Variants in PTCHD4 observed in about 807,000 individuals in gnomAD.
PTCHD4 encodes patched domain-containing protein 4.
PTCHD4 carries 33 observed loss-of-function variants against 58.1 expected under a neutral mutation model. The observed-to-expected ratio is 0.57, with a 90% CI of 0.43 to 0.76. The LOEUF (loss-of-function observed/expected upper bound fraction) is 0.76, where lower values mean the gene tolerates loss of function less well. PTCHD4 is among the 30% of genes least tolerant of loss of function. PTCHD4 has a pLI of 0.00. For missense variants in PTCHD4, 1,058 were observed against 1,027.1 expected, an observed-to-expected ratio of 1.03 and a Z score of -0.41; for synonymous variants, 478 against 409.6, an observed-to-expected ratio of 1.17 and a Z score of -2.02.
intron 1 of PTCHD4, among the ~76,000 whole-genome samples, chr6:48,074,252 T>C (rs1171923066): frequency 1.3e-5 from 2 of 152,160 alleles, no homozygotes. Flanking sequence ...AATAAGGACA[T>C]TTCTTATCTC....
chr6:47,880,029 TTATACTC>T (rs2114099243), intron 4 of PTCHD4, 93 bp from the exon 5 acceptor site: 2 of 992,024 alleles, frequency 2.0e-6, no homozygotes, highest in Non-Finnish European at 2.9e-6. Flanking sequence ...AAATGGCACT[TTATACTC>T]TAATCTTCAA....
At chr6:47,944,435 A>G (rs1193163274) in intron 4 of PTCHD4, among the ~76,000 whole-genome samples, 4 of 152,128 alleles carry the variant, frequency 2.6e-5, no homozygotes, top group African/African-American at 9.7e-5. Flanking sequence ...GCCCTTAAAG[A>G]ATAAGATACA....
Position 48,068,581 on chromosome 6 carries a change from T to A in PTCHD4, c.66A>T (p.Arg22Ser). 2 of 1,567,772 alleles carry A rather than the reference T, an allele frequency of 1.3e-6. No individual in the cohort carries two copies. Among genetic ancestry groups the A allele is most frequent in the Non-Finnish European group, 1.7e-6 (2 of 1,162,470 alleles). Residue 22 changes from arginine (R) to serine (S), a missense_variant, in exon 3 of 5, where the codon AGA becomes AGT. Physicochemically the swap from Arg to Ser is moderately radical, Grantham distance 110. Coordinates refer to ENST00000339488, the MANE Select transcript of PTCHD4 (RefSeq NM_001384253.1). The surrounding 1 kb of genome is among the most constrained non-coding windows in gnomAD (Gnocchi z 4.2). ...WWRMLRQVLR[R>S]GLQSFCHRLG... ...GCCTGTGGCAGAACGACTGGAGCCC[T>A]CTGCGAAGCACCTGCCGCAGCATCC...
chr6:48,023,306 C>G (rs572893010), intron 3 of PTCHD4, among the ~76,000 whole-genome samples: 2 of 152,076 alleles, frequency 1.3e-5, no homozygotes, highest in Non-Finnish European at 2.9e-5. Flanking sequence ...TAGTAAGTTA[C>G]AATGAGCAAA....
intron 1 of PTCHD4, among the ~76,000 whole-genome samples, chr6:48,082,622 T>C (rs887518176): frequency 6.6e-6 from 1 of 152,196 alleles, no homozygotes; most frequent in Non-Finnish European, 1.5e-5. Context: ...CCATTTTCTT[T>C]AGCTCTTTCT....
At chr6:47,911,646 A>G (rs1214556544) in intron 4 of PTCHD4, among the ~76,000 whole-genome samples, 4 of 152,144 alleles carry the variant, frequency 2.6e-5, no homozygotes, top group Non-Finnish European at 4.4e-5. Context: ...AGGAATAGTC[A>G]TGGAAAGGGC....
chr6:47,878,810 T>G lies in PTCHD4; in HGVS notation c.2025A>C (p.Leu675=). The change falls in exon 5 of 5, where the codon CTA becomes CTC. Residue 675 remains leucine, a synonymous_variant. Coordinates refer to ENST00000339488, the MANE Select transcript of PTCHD4 (RefSeq NM_001384253.1). Reference sequence around the variant, plus strand: ...AGAAGTTTCCCAGAGGGTGGATCACTAGGAAAAAAGTCAGGATTAACACCA... The same window carrying G: ...AGAAGTTTCCCAGAGGGTGGATCACGAGGAAAAAAGTCAGGATTAACACCA... ...VLLVLILTFF[L]VIHPLGNFWL... is the part of the protein sequence containing the mutation. The G allele has an allele frequency of 6.2e-7, 1 of 1,613,540 alleles. No homozygotes were observed. The highest frequency in any genetic ancestry group is 8.5e-7 in the Non-Finnish European group (1 of 1,179,746).
chr6:48,083,681 C>T (rs896594282), intron 1 of PTCHD4, among the ~76,000 whole-genome samples: 1 of 152,122 alleles, frequency 6.6e-6, no homozygotes, highest in South Asian at 2.1e-4. Flanking sequence ...ATGAGAGGCA[C>T]TTAACCTGCC....
intron 1 of PTCHD4, among the ~76,000 whole-genome samples, chr6:48,080,397 G>A (rs756911440): frequency 2.0e-5 from 3 of 152,134 alleles, no homozygotes; most frequent in Non-Finnish European, 4.4e-5. Flanking sequence ...AAATCAATAG[G>A]CATTTATAGA....
chr6:48,079,775 C>T (rs1325697204), intron 1 of PTCHD4, among the ~76,000 whole-genome samples: 2 of 151,724 alleles, frequency 1.3e-5, no homozygotes, highest in East Asian at 1.9e-4. Flanking sequence ...GGAGTGCTTC[C>T]ACCTCTCCAC....
chr6:48,087,913 T>C (rs1041354364), intron 1 of PTCHD4, among the ~76,000 whole-genome samples: 1 of 152,210 alleles, frequency 6.6e-6, no homozygotes, highest in Non-Finnish European at 1.5e-5. Context: ...TAGATTTTAG[T>C]TAAATCATGT....
intron 3 of PTCHD4, among the ~76,000 whole-genome samples, chr6:48,011,888 T>C (rs575510826): frequency 1.4e-3 from 220 of 152,310 alleles, no homozygotes; most frequent in African/African-American, 5.2e-3. Flanking sequence ...GTTGTAGATG[T>C]GCGCCATTAT....
At chr6:47,949,142 G>C (rs374549469) in intron 4 of PTCHD4, among the ~76,000 whole-genome samples, 1 of 152,192 alleles carries the variant, frequency 6.6e-6, no homozygotes, top group South Asian at 2.1e-4. Flanking sequence ...AAAGTGACGG[G>C]GATGGATTGG....
intron 4 of PTCHD4, among the ~76,000 whole-genome samples, chr6:48,004,324 T>C (rs1768863935): frequency 6.6e-6 from 1 of 152,172 alleles, no homozygotes; most frequent in African/African-American, 2.4e-5. Context: ...GTGAGACTTT[T>C]ACACATAACG....
At chr6:48,106,169 T>C (rs1765717820) in intron 1 of PTCHD4, among the ~76,000 whole-genome samples, 1 of 152,134 alleles carries the variant, frequency 6.6e-6, no homozygotes, top group Non-Finnish European at 1.5e-5. Flanking sequence ...TTTAGACCAA[T>C]ATCCTTGATG....
At chr6:47,984,440 T>G (rs926447786) in intron 4 of PTCHD4, among the ~76,000 whole-genome samples, 10 of 152,072 alleles carry the variant, frequency 6.6e-5, no homozygotes, top group African/African-American at 2.4e-4. Context: ...CAGAACGTCA[T>G]GGGGGAAACC....
At chr6:48,060,565 C>A (rs1381260436) in intron 3 of PTCHD4, among the ~76,000 whole-genome samples, 1 of 152,162 alleles carries the variant, frequency 6.6e-6, no homozygotes, top group East Asian at 1.9e-4. Flanking sequence ...CCTCAGCCTG[C>A]CAGGCTCAAG....
At chr6:47,882,741 G>GATATACATATATATATATATATATATAT (rs1554149147) in intron 4 of PTCHD4, among the ~76,000 whole-genome samples, 1 of 102,374 alleles carries the variant, frequency 9.8e-6, no homozygotes, top group Non-Finnish European at 2.1e-5. Flanking sequence ...TGATTCCAGT[G>GATATACATATATATATATATATATATAT]ATATATATAT....
intron 4 of PTCHD4, among the ~76,000 whole-genome samples, chr6:47,942,067 C>T (rs756877312): frequency 6.6e-6 from 1 of 152,186 alleles, no homozygotes; most frequent in Non-Finnish European, 1.5e-5. Context: ...CTCAGTATTT[C>T]TGTCTATATT....
Sources: gnomAD v4.1 joint callset for allele counts (sites outside exome capture counted in the v4.1 genomes callset) on GRCh38, gnomAD v4.1.1 for gene constraint, Gnocchi (gnomAD v3.1) non-coding constraint, MANE v1.5 for transcripts, NCBI Gene and HGNC (gene_info 2026-07-23, HGNC 2026-07-21) for gene names.